The following SNX13 variants were observed in gnomAD, a reference collection of about 807,000 sequenced individuals.
The protein encoded by SNX13 is sorting nexin-13.
Under a neutral mutation model 133.6 loss-of-function variants are expected in SNX13, and 45 were observed. That is an observed-to-expected ratio of 0.34 (90% confidence interval 0.27 to 0.43). The LOEUF is 0.43. Ranked by LOEUF, SNX13 falls within the 20% of genes least tolerant of loss-of-function variation. The pLI is 1.00. For synonymous variants in SNX13, 414 were observed against 373.9 expected (o/e 1.11, Z -1.24); for missense variants, 1,032 against 1,145.1 (o/e 0.90, Z 1.43).
At chr7:17,869,242 G>A (rs1048441954) in intron 8 of SNX13, among the ~76,000 whole-genome samples, 1 of 151,928 alleles carries the variant, frequency 6.6e-6, no homozygotes, top group African/African-American at 2.4e-5. Context: ...TTCTAATAGA[G>A]GCAACTATCT....
chr7:17,852,397 A>AGAGGG (rs965522203), intron 9 of SNX13, among the ~76,000 whole-genome samples: 3 of 152,066 alleles, frequency 2.0e-5, no homozygotes, highest in African/African-American at 7.2e-5. Flanking sequence ...AGAAAAAAAG[A>AGAGGG]GAGGGGAGGG....
chr7:17,855,901 G>A (rs1303409724), intron 9 of SNX13, among the ~76,000 whole-genome samples: 1 of 152,140 alleles, frequency 6.6e-6, no homozygotes, highest in Non-Finnish European at 1.5e-5. Flanking sequence ...TTCCTCTGAT[G>A]GATCTGAACA....
intron 12 of SNX13, among the ~76,000 whole-genome samples, chr7:17,842,240 C>T (rs1247870885): frequency 6.6e-6 from 1 of 151,970 alleles, no homozygotes; most frequent in African/African-American, 2.4e-5. Context: ...ACAACACATA[C>T]AAAATATCCA....
chr7:17,925,172 C>A (rs1454848341), intron 1 of SNX13, among the ~76,000 whole-genome samples: 1 of 152,134 alleles, frequency 6.6e-6, no homozygotes, highest in Non-Finnish European at 1.5e-5. Flanking sequence ...CGATATCATG[C>A]CACTGCACTA....
At position 17,939,203 on chromosome 7, in the gene SNX13, C is replaced by A. The variant is rs185376184; in HGVS notation, c.12+1081G>T. On this transcript the variant is annotated intron_variant, in intron 1 of 25. Transcript: ENST00000428135. ...CTTTTCACAAAATAAAAGCCACTCA[C>A]CTACAAATGTTTGTATTTCCTTTTT... Among the ~76,000 whole-genome samples, 14 of 152,302 alleles carry A rather than the reference C, an allele frequency of 9.2e-5. No homozygotes were observed. In the East Asian group the frequency reaches 1.3e-3, roughly 15 times the overall value.
intron 20 of SNX13, among the ~76,000 whole-genome samples, chr7:17,809,883 C>T (rs1420506851): frequency 1.3e-5 from 2 of 151,956 alleles, no homozygotes; most frequent in African/African-American, 2.4e-5. Context: ...GGGTAAATAA[C>T]GAAATAAAGG....
chr7:17,928,972 A>G (rs75546879), intron 1 of SNX13, among the ~76,000 whole-genome samples: 10,416 of 144,580 alleles, frequency 0.072, 488 homozygotes, highest in South Asian at 0.15. Context: ...CTTTTAAATT[A>G]ACAATAAAAA....
chr7:17,887,717 C>T (rs1188927875), intron 5 of SNX13, among the ~76,000 whole-genome samples: 1 of 152,150 alleles, frequency 6.6e-6, no homozygotes, highest in Non-Finnish European at 1.5e-5. Flanking sequence ...AAATTAAGCA[C>T]TTCATTTTAC....
At chr7:17,888,117 A>T (rs895669921) in intron 5 of SNX13, 3 of 152,188 alleles carry the variant, frequency 2.0e-5, no homozygotes, top group Admixed American at 2.0e-4. Context: ...AATGTAGGAA[A>T]GTCATTAACA....
chr7:17,829,484 G>C (rs1788244321), intron 16 of SNX13, among the ~76,000 whole-genome samples: 1 of 151,374 alleles, frequency 6.6e-6, no homozygotes, highest in Admixed American at 6.6e-5. Flanking sequence ...TAAGGATGTA[G>C]TTGCTGTAAA....
intron 17 of SNX13, among the ~76,000 whole-genome samples, chr7:17,824,933 C>G (rs1787712665): frequency 6.6e-6 from 1 of 151,972 alleles, no homozygotes. Flanking sequence ...CCACGCCCAG[C>G]TAATTTTTGT....
chr7:17,915,800 T>C lies in SNX13; in HGVS notation c.13-18354A>G, dbSNP rs181086747. 2.8e-3 allele frequency among the ~76,000 whole-genome samples: 423 copies of C among 152,280 alleles called. 10 individuals are homozygous for C. The highest frequency in any genetic ancestry group is 0.025 in the Admixed American group (380 of 15,292). ...TTAAGTTAATTTGACACTTGACCAA[T>C]TGGACCTAAGAGACATCTACAGGAC... is the stretch of plus-strand genomic sequence containing the variant. On this transcript the variant is annotated intron_variant, in intron 1 of 25. Transcript: ENST00000428135.
At chr7:17,927,818 C>G (rs1800928934) in intron 1 of SNX13, among the ~76,000 whole-genome samples, 1 of 152,088 alleles carries the variant, frequency 6.6e-6, no homozygotes, top group Non-Finnish European at 1.5e-5. Flanking sequence ...TGGAAATTCA[C>G]CTTCAATTCC....
intron 1 of SNX13, among the ~76,000 whole-genome samples, chr7:17,939,813 GAAAC>G (rs1264123090): frequency 6.6e-6 from 1 of 152,200 alleles, no homozygotes; most frequent in Admixed American, 6.5e-5. Flanking sequence ...TAGAGGGTGG[GAAAC>G]AAACCGGTCG....
At position 17,826,008 on chromosome 7, in the gene SNX13, T is replaced by G; in HGVS notation, c.1705+14A>C. ...ATAGTTTTAATGCAATAATTATACT[T>G]CAAACTCTCTTACCTGTGTCTGAAA... On this transcript the variant is annotated intron_variant, in intron 17 of 25. Transcript: ENST00000428135. 6.8e-7 allele frequency: 1 copy of G among 1,479,890 alleles called. No homozygotes were observed. The highest frequency in any genetic ancestry group is 9.1e-7 in the Non-Finnish European group (1 of 1,101,552). 91.7% of individuals were successfully genotyped at this position (1,479,890 alleles called of 1,614,324 possible).
intron 1 of SNX13, among the ~76,000 whole-genome samples, chr7:17,938,621 T>C (rs1263196806): frequency 6.6e-6 from 1 of 152,198 alleles, no homozygotes; most frequent in African/African-American, 2.4e-5. Context: ...TATCATTGAT[T>C]TACTGTTTAA....
chr7:17,928,896 T>C (rs1194181303), intron 1 of SNX13, among the ~76,000 whole-genome samples: 1 of 152,192 alleles, frequency 6.6e-6, no homozygotes, highest in Non-Finnish European at 1.5e-5. Context: ...ATAAGGGGTA[T>C]ATGAGAAAAT....
At chr7:17,921,959 C>T (rs1035738805) in intron 1 of SNX13, among the ~76,000 whole-genome samples, 1 of 152,160 alleles carries the variant, frequency 6.6e-6, no homozygotes, top group African/African-American at 2.4e-5. Context: ...ATATCATAAG[C>T]ATTTCACCTC....
chr7:17,880,585 A>C (rs1795223715), intron 5 of SNX13: 2 of 152,202 alleles, frequency 1.3e-5, no homozygotes, highest in African/African-American at 4.8e-5. Flanking sequence ...ACTTTTGATA[A>C]GCATACAACT....
Sources: gnomAD v4.1 joint callset for allele counts (sites outside exome capture counted in the v4.1 genomes callset) on GRCh38, gnomAD v4.1.1 for gene constraint, MANE v1.5 for transcripts, NCBI Gene and HGNC (gene_info 2026-07-23, HGNC 2026-07-21) for gene names.